LIPA: variants seen among roughly 807,000 people sequenced by gnomAD.
LIPA encodes the protein lipase A, lysosomal acid type, also known as lysosomal acid lipase/cholesteryl ester hydrolase.
In LIPA, 26 loss-of-function variants were observed where a neutral mutation model predicts 40.6. The ratio of observed to expected loss-of-function variants is 0.64; its 90% CI spans 0.47 to 0.89. The LOEUF (loss-of-function observed/expected upper bound fraction) is 0.89, where lower values mean the gene tolerates loss of function less well. Ranked by LOEUF, LIPA falls within the 40% of genes least tolerant of loss-of-function variation. The probability of loss-of-function intolerance (pLI) is 0.00; values close to 1 mark genes in which losing one functional copy is unlikely to be tolerated. For synonymous variants in LIPA, 188 were observed against 168.4 expected, an observed-to-expected ratio of 1.12 and a Z score of -0.90; for missense variants, 455 against 479.6, an observed-to-expected ratio of 0.95 and a Z score of 0.48.
intron 1 of LIPA, among the ~76,000 whole-genome samples, chr10:89,258,678 T>G (rs1216654441): frequency 6.6e-6 from 1 of 152,218 alleles, no homozygotes; most frequent in Admixed American, 6.5e-5. Context: ...AGTTATCATA[T>G]GACCCATCAA....
At position 89,333,523 on chromosome 10, in the gene LIPA, G is replaced by T. The variant is rs559324450; in HGVS notation, c.-2+9088C>A. ...CCAAGAGGCAGGAGGGGGGAGGGGT[G>T]GGAAGAATGTTGAAATAAAGCAAAG... On this transcript the variant is annotated intron_variant, in intron 1 of 5. Transcript: ENST00000282673. 1.8e-4 allele frequency among the ~76,000 whole-genome samples: 28 copies of T among 152,194 alleles called. No homozygotes were observed. In the South Asian group the frequency reaches 2.5e-3, roughly 14 times the overall value.
chr10:89,312,166 T>A (rs960576576), intron 1 of LIPA, among the ~76,000 whole-genome samples: 1 of 152,166 alleles, frequency 6.6e-6, no homozygotes, highest in Non-Finnish European at 1.5e-5. Context: ...AAAGGCCAGG[T>A]GCAGTGGCTC....
intron 2 of LIPA, chr10:89,384,631 G>T (rs1456556455): frequency 6.2e-7 from 1 of 1,614,222 alleles, no homozygotes. Flanking sequence ...TGTGGAAAGT[G>T]TCAGCCTCCT....
chr10:89,248,392 G>A (rs543826811), intron 1 of LIPA, among the ~76,000 whole-genome samples: 2 of 150,240 alleles, frequency 1.3e-5, no homozygotes, highest in South Asian at 2.1e-4. Flanking sequence ...AGATGACTTC[G>A]TGACCTGCCC....
At chr10:89,402,899 G>A in intron 2 of LIPA, 1 of 1,614,198 alleles carries the variant, frequency 6.2e-7, no homozygotes, top group Non-Finnish European at 8.5e-7. Context: ...CCCTAAGGCA[G>A]GCTGTCCGCT....
At chr10:89,240,564 C>T (rs11203046) in intron 3 of LIPA, among the ~76,000 whole-genome samples, 10,305 of 152,222 alleles carry the variant, frequency 0.068, 347 homozygotes, top group South Asian at 0.14. Flanking sequence ...CAACAGCCTA[C>T]GAAGTAGCCA....
intron 1 of LIPA, among the ~76,000 whole-genome samples, chr10:89,295,079 T>A (rs4934468): frequency 0.036 from 2,920 of 81,458 alleles, 29 homozygotes; most frequent in African/African-American, 0.053. Flanking sequence ...AGGAAAGGAA[T>A]GGAAAGGAAA....
chr10:89,390,214 A>G (rs2133608520), intron 2 of LIPA, among the ~76,000 whole-genome samples: 1 of 152,100 alleles, frequency 6.6e-6, no homozygotes, highest in East Asian at 1.9e-4. Flanking sequence ...TCGAACTCCC[A>G]ACCTCAGGTG....
Position 89,402,820 on chromosome 10 carries a change from C to T in LIPA, c.61+9971G>A, listed in dbSNP as rs146515241. On this transcript the variant is annotated intron_variant, in intron 2 of 8. Transcript: ENST00000371837. Reference sequence around the variant, plus strand: ...AACCCTGAATCCAGCGCTGGGTATGCGATCTCTGCCTATCGCCTGGATGGC... The same window carrying T: ...AACCCTGAATCCAGCGCTGGGTATGTGATCTCTGCCTATCGCCTGGATGGC... 117 of 1,614,058 alleles carry T rather than the reference C, an allele frequency of 7.2e-5. No homozygotes were observed. The highest frequency in any genetic ancestry group is 8.4e-5 in the Non-Finnish European group (99 of 1,180,042).
At chr10:89,407,225 G>A (rs1489121309) in intron 2 of LIPA, among the ~76,000 whole-genome samples, 2 of 152,136 alleles carry the variant, frequency 1.3e-5, no homozygotes, top group African/African-American at 4.8e-5. Flanking sequence ...TCGCCCAAGT[G>A]AGACTCACCT....
chr10:89,352,564 C>T (rs912149836), intron 2 of LIPA, among the ~76,000 whole-genome samples: 8 of 152,280 alleles, frequency 5.3e-5, no homozygotes, highest in Non-Finnish European at 8.8e-5. Context: ...GGAGGCTATG[C>T]TTTCCAGCCT....
At chr10:89,267,707 T>C (rs200056284) in intron 1 of LIPA, among the ~76,000 whole-genome samples, 9 of 137,496 alleles carry the variant, frequency 6.5e-5, no homozygotes, top group East Asian at 4.4e-4. Flanking sequence ...TGTGCACATG[T>C]ACCCTAAAAC....
chr10:89,409,374 A>T (rs900880898), intron 2 of LIPA, among the ~76,000 whole-genome samples: 1 of 152,194 alleles, frequency 6.6e-6, no homozygotes, highest in African/African-American at 2.4e-5. Context: ...GGAGCATGCC[A>T]ATCACCCGGT....
chr10:89,287,773 T>A (rs1843349351), intron 1 of LIPA, among the ~76,000 whole-genome samples: 2 of 152,174 alleles, frequency 1.3e-5, no homozygotes, highest in South Asian at 4.1e-4. Context: ...AAACTCTCCT[T>A]ACAATTCCCC....
At chr10:89,244,834 A>G (rs1843004583) in intron 3 of LIPA, among the ~76,000 whole-genome samples, 1 of 152,212 alleles carries the variant, frequency 6.6e-6, no homozygotes, top group African/African-American at 2.4e-5. Flanking sequence ...AATTATCAGG[A>G]CACATGCACA....
intron 3 of LIPA, among the ~76,000 whole-genome samples, chr10:89,230,344 T>C (rs1419869442): frequency 2.0e-5 from 3 of 152,214 alleles, no homozygotes; most frequent in Non-Finnish European, 4.4e-5. Context: ...TGTTGCTCTG[T>C]GACCCAGGAT....
At chr10:89,316,175 T>C (rs1843540475) in intron 1 of LIPA, among the ~76,000 whole-genome samples, 1 of 152,138 alleles carries the variant, frequency 6.6e-6, no homozygotes, top group South Asian at 2.1e-4. Context: ...GATGGTAGTT[T>C]CTGCATTTCC....
intron 2 of LIPA, among the ~76,000 whole-genome samples, chr10:89,361,295 A>G (rs1844020241): frequency 6.6e-6 from 1 of 152,226 alleles, no homozygotes; most frequent in Non-Finnish European, 1.5e-5. Context: ...TGTAAGAAAA[A>G]GGAGAAGACC....
At chr10:89,378,931 T>C (rs1844141585) in intron 2 of LIPA, among the ~76,000 whole-genome samples, 1 of 152,174 alleles carries the variant, frequency 6.6e-6, no homozygotes, top group Non-Finnish European at 1.5e-5. Flanking sequence ...TAAAGACTGT[T>C]CACCAGGGAA....
Sources: gnomAD v4.1 joint callset for allele counts (sites outside exome capture counted in the v4.1 genomes callset) on GRCh38, gnomAD v4.1.1 for gene constraint, MANE v1.5 for transcripts, NCBI Gene and HGNC (gene_info 2026-07-23, HGNC 2026-07-21) for gene names.